The following CADPS variants were observed in gnomAD, a reference collection of about 807,000 sequenced individuals.
The protein encoded by CADPS is calcium-dependent secretion activator 1.
A neutral mutation model predicts 167.3 loss-of-function variants in CADPS; 57 were observed. The ratio of observed to expected loss-of-function variants is 0.34; its 90% confidence interval spans 0.28 to 0.42. The LOEUF is 0.42. CADPS is among the 20% of genes least tolerant of loss of function. The pLI, the probability that CADPS is intolerant of heterozygous loss-of-function variation, is 1.00. For missense variants in CADPS, 1,414 were observed against 1,738.1 expected, an observed-to-expected ratio of 0.81 and a Z score of 3.32; for synonymous variants, 676 against 635.3, an observed-to-expected ratio of 1.06 and a Z score of -0.96.
chr3:62,638,743 C>CAG (rs1398276631), intron 6 of CADPS, among the ~76,000 whole-genome samples: 1 of 152,148 alleles, frequency 6.6e-6, no homozygotes, highest in Non-Finnish European at 1.5e-5. Context: ...TTCACCAACT[C>CAG]AGAGTCAGTT....
intron 1 of CADPS, among the ~76,000 whole-genome samples, chr3:62,834,189 A>G (rs555756227): frequency 6.6e-6 from 1 of 152,262 alleles, no homozygotes; most frequent in African/African-American, 2.4e-5. Flanking sequence ...TACAACATGA[A>G]GAGGTGCTCT....
At chr3:62,842,805 T>C (rs369016714) in intron 1 of CADPS, among the ~76,000 whole-genome samples, 162 of 152,322 alleles carry the variant, frequency 1.1e-3, no homozygotes, top group African/African-American at 3.8e-3. Context: ...CTAGACATGC[T>C]GAATGATGCT....
At chr3:62,528,670 C>G (rs1241134145) in intron 13 of CADPS, among the ~76,000 whole-genome samples, 1 of 152,146 alleles carries the variant, frequency 6.6e-6, no homozygotes, top group African/African-American at 2.4e-5. Context: ...GGATCTGATA[C>G]TCCTAGATTT....
intron 7 of CADPS, among the ~76,000 whole-genome samples, chr3:62,590,565 C>T (rs2148755991): frequency 6.6e-6 from 1 of 152,178 alleles, no homozygotes; most frequent in East Asian, 1.9e-4. Context: ...CGTTTTATCT[C>T]CATCTGTAGT....
chr3:62,536,229 T>A, intron 12 of CADPS: 1 of 428,828 alleles, frequency 2.3e-6, no homozygotes, highest in East Asian at 3.4e-5. Context: ...ATAGGGAGGC[T>A]GGGGAATTGG....
intron 17 of CADPS, 154 bp from the exon 18 acceptor site, chr3:62,499,422 C>A (rs2065344996): frequency 1.9e-6 from 1 of 527,464 alleles, no homozygotes; most frequent in Non-Finnish European, 3.4e-6. Context: ...AGTGAGCAAA[C>A]CATAAAGCCA....
At chr3:62,594,318 T>C (rs904777693) in intron 6 of CADPS, among the ~76,000 whole-genome samples, 85 of 151,146 alleles carry the variant, frequency 5.6e-4, no homozygotes, top group Non-Finnish European at 9.9e-4. Context: ...CCCGCCACTA[T>C]GCCCGGCTAA....
chr3:62,712,573 G>T (rs1412909583), intron 3 of CADPS, among the ~76,000 whole-genome samples: 1 of 152,116 alleles, frequency 6.6e-6, no homozygotes, highest in Non-Finnish European at 1.5e-5. Flanking sequence ...AAGCCTTGTT[G>T]TTCACCTCTT....
chr3:62,517,652 C>T (rs2069331654), intron 14 of CADPS, among the ~76,000 whole-genome samples: 1 of 152,126 alleles, frequency 6.6e-6, no homozygotes, highest in South Asian at 2.1e-4. Flanking sequence ...ATGTAAGGCT[C>T]AAGCACAGAA....
chr3:62,599,871 A>AT (rs1407553335), intron 6 of CADPS, among the ~76,000 whole-genome samples: 1 of 65,644 alleles, frequency 1.5e-5, no homozygotes, highest in Non-Finnish European at 2.5e-5. Flanking sequence ...AATATATAAT[A>AT]ATATATAATA....
At chr3:62,500,898 T>C (rs760198796) in intron 17 of CADPS, among the ~76,000 whole-genome samples, 1 of 152,086 alleles carries the variant, frequency 6.6e-6, no homozygotes. Context: ...TAATGAAAAA[T>C]AAATTCAGCG....
intron 3 of CADPS, among the ~76,000 whole-genome samples, chr3:62,726,644 G>A (rs928843169): frequency 1.3e-5 from 2 of 151,898 alleles, no homozygotes; most frequent in African/African-American, 2.4e-5. Flanking sequence ...GGGGATATGC[G>A]ATAGCTTTGA....
At chr3:62,577,167 T>C (rs1377425284) in intron 8 of CADPS, among the ~76,000 whole-genome samples, 1 of 152,172 alleles carries the variant, frequency 6.6e-6, no homozygotes, top group African/African-American at 2.4e-5. Flanking sequence ...GACTACTTGG[T>C]AGGGTAGCAC....
Position 62,753,504 on chromosome 3 carries a change from C to G in CADPS, c.825G>C (p.Glu275Asp). Residue 275 changes from glutamate (E) to aspartate (D), a missense_variant, in exon 3 of 30, where the codon GAG becomes GAC. Physicochemically the swap from Glu to Asp is conservative, Grantham distance 45. Around this residue, in one of 6 missense-constraint regions of CADPS, gnomAD observed 522 missense variants for 559.5 expected, o/e 0.93. Coordinates refer to ENST00000383710, the MANE Select transcript of CADPS (RefSeq NM_003716.4). The surrounding 1 kb of genome is among the most constrained non-coding windows in gnomAD (Gnocchi z 4.6). ...ELILSKEQLY[E>D]MFQNILGIKK... ...TGATCCCAAGAATGTTCTGGAACATCTCATAGAGTTGCTCCTTGCTCAGAA... is the reference window on the plus strand; with the variant it reads ...TGATCCCAAGAATGTTCTGGAACATGTCATAGAGTTGCTCCTTGCTCAGAA... The G allele has an allele frequency of 1.2e-6, 2 of 1,614,118 alleles. No homozygotes were observed. The highest frequency in any genetic ancestry group is 1.7e-6 in the Non-Finnish European group (2 of 1,180,022).
rs1328546223 is a variant in CADPS, at chr3:62,505,680, T to C, written c.2600-6412A>G. Among the ~76,000 whole-genome samples the C allele has an allele frequency of 9.2e-5, 14 of 152,230 alleles. 1 individual carries two copies. Among genetic ancestry groups the C allele is most frequent in the Admixed American group, 9.2e-4 (14 of 15,282 alleles). Reference sequence around the variant, plus strand: ...GAGCTTCCCTTCATGACAAGGGTTATGCCTTCATATGCCATAACAAGAGAG... The same window carrying C: ...GAGCTTCCCTTCATGACAAGGGTTACGCCTTCATATGCCATAACAAGAGAG... On this transcript the variant is annotated intron_variant, in intron 17 of 29. Transcript: ENST00000383710.
At chr3:62,786,485 A>C (rs1349194348) in intron 1 of CADPS, among the ~76,000 whole-genome samples, 1 of 152,072 alleles carries the variant, frequency 6.6e-6, no homozygotes, top group Non-Finnish European at 1.5e-5. Context: ...CTAAAAAAAT[A>C]AATACATTAG....
intron 28 of CADPS, among the ~76,000 whole-genome samples, chr3:62,415,004 A>G (rs370039119): frequency 3.2e-4 from 49 of 151,828 alleles, no homozygotes; most frequent in Middle Eastern, 3.4e-3. Context: ...CGGGACACAG[A>G]CCCTCCCGTC....
At chr3:62,870,323 A>G (rs987109446) in intron 1 of CADPS, among the ~76,000 whole-genome samples, 10 of 152,186 alleles carry the variant, frequency 6.6e-5, no homozygotes, top group African/African-American at 2.4e-4. Flanking sequence ...TGAGTAGACC[A>G]AAGTGCCTCA....
At chr3:62,759,479 T>C (rs574932186) in intron 2 of CADPS, among the ~76,000 whole-genome samples, 16 of 152,206 alleles carry the variant, frequency 1.1e-4, no homozygotes, top group African/African-American at 3.4e-4. Context: ...TGAGGTGGGA[T>C]TGGAGGATAG....
Sources: allele counts gnomAD v4.1 joint callset (sites outside exome capture counted in the v4.1 genomes callset), GRCh38; gene constraint gnomAD v4.1.1; regional missense constraint gnomAD v4.1.1; non-coding constraint Gnocchi (gnomAD v3.1); transcripts MANE v1.5; gene names NCBI Gene and HGNC (gene_info 2026-07-23, HGNC 2026-07-21).